Variants in IFNAR1 observed in about 807,000 individuals in gnomAD.
IFNAR1 encodes the protein interferon alpha and beta receptor subunit 1, also known as interferon alpha/beta receptor 1.
IFNAR1 carries 47 observed loss-of-function variants against 62.1 expected under a neutral mutation model. That is an observed-to-expected ratio of 0.76 (90% CI 0.60 to 0.97). The LOEUF (loss-of-function observed/expected upper bound fraction) is 0.97, where lower values mean the gene tolerates loss of function less well. Among genes scored for constraint, IFNAR1 ranks in the 50% least tolerant of loss-of-function variants. The pLI is 0.00. For missense variants in IFNAR1, 638 were observed against 654.5 expected (o/e 0.97, Z 0.27); for synonymous variants, 219 against 226.9 (o/e 0.97, Z 0.31).
chr21:33,345,402 T>C, intron 6 of IFNAR1, 42 bp downstream of exon 6: 1 of 1,077,372 alleles, frequency 9.3e-7, no homozygotes, highest in Middle Eastern at 2.0e-4. Flanking sequence ...CAGTTTGTTT[T>C]GATTATGCTT....
chr21:33,334,876 G>T, intron 1 of IFNAR1: 1 of 1,306,362 alleles, frequency 7.7e-7, no homozygotes, highest in Non-Finnish European at 1.1e-6. Flanking sequence ...ACACAGAGGG[G>T]AAAGCTGCTG....
At chr21:33,344,765 C>CTTATTTACTTATTTAT (rs1555875099) in intron 5 of IFNAR1, among the ~76,000 whole-genome samples, 22 of 122,020 alleles carry the variant, frequency 1.8e-4, no homozygotes, top group Non-Finnish European at 3.4e-4. Flanking sequence ...TTCTTTTTTA[C>CTTATTTACTTATTTAT]TTATTTATTT....
At chr21:33,329,287 A>C (rs1467045988) in intron 1 of IFNAR1, among the ~76,000 whole-genome samples, 2 of 152,210 alleles carry the variant, frequency 1.3e-5, no homozygotes, top group Admixed American at 6.5e-5. Context: ...CTGTAAACCC[A>C]GTTGCTACCC....
At chr21:33,331,429 G>A (rs1014209333) in intron 1 of IFNAR1, among the ~76,000 whole-genome samples, 11 of 152,186 alleles carry the variant, frequency 7.2e-5, no homozygotes, top group Non-Finnish European at 1.6e-4. Context: ...CTGAGCTGAT[G>A]TAGTATCCTA....
rs750527880 is a variant in IFNAR1, at chr21:33,343,593, C to T, written c.590C>T (p.Thr197Ile). 3 of 1,571,048 alleles carry T rather than the reference C, an allele frequency of 1.9e-6. No homozygotes were observed. Among genetic ancestry groups the T allele is most frequent in the Non-Finnish European group, 2.6e-6 (3 of 1,141,162 alleles). Reference sequence around the variant, plus strand: ...ATTTATAAACTCTCACCAGAGACTACTTATTGTCTAAAAGTTAAAGCAGCA... The same window carrying T: ...ATTTATAAACTCTCACCAGAGACTATTTATTGTCTAAAAGTTAAAGCAGCA... ...HKIYKLSPET[T>I]YCLKVKAALL... The change falls in exon 5 of 11, where the codon ACT becomes ATT. Residue 197 changes from threonine (T) to isoleucine (I), a missense_variant. Coordinates refer to ENST00000270139, the MANE Select transcript of IFNAR1 (RefSeq NM_000629.3).
intron 1 of IFNAR1, among the ~76,000 whole-genome samples, chr21:33,332,887 A>G (rs1190339851): frequency 6.6e-6 from 1 of 152,232 alleles, no homozygotes; most frequent in Non-Finnish European, 1.5e-5. Flanking sequence ...CGTTCATACT[A>G]TGTAAGTTAC....
intron 2 of IFNAR1, among the ~76,000 whole-genome samples, chr21:33,339,277 T>C (rs912898924): frequency 6.6e-6 from 1 of 152,204 alleles, no homozygotes; most frequent in Admixed American, 6.5e-5. Flanking sequence ...TTTTCAAGAA[T>C]GTTTAAGGTA....
chr21:33,335,015 C>T, intron 1 of IFNAR1: 1 of 1,483,956 alleles, frequency 6.7e-7, no homozygotes, highest in Non-Finnish European at 9.4e-7. Flanking sequence ...CTTCCTGGCA[C>T]TGGTCAATTA....
chr21:33,336,907 T>C (rs2094818941), intron 2 of IFNAR1, among the ~76,000 whole-genome samples: 1 of 151,756 alleles, frequency 6.6e-6, no homozygotes, highest in African/African-American at 2.4e-5. Context: ...CATGCCACCA[T>C]GTTTGACTAA....
At chr21:33,341,227 AG>A in intron 3 of IFNAR1, 53 bp downstream of exon 3, 1 of 1,386,246 alleles carries the variant, frequency 7.2e-7, no homozygotes, top group East Asian at 2.3e-5. Flanking sequence ...TTACCAGAGC[AG>A]TTCACTTTCC....
upstream of IFNAR1, chr21:33,324,784 C>A: frequency 2.0e-6 from 1 of 498,342 alleles, no homozygotes; most frequent in Non-Finnish European, 3.6e-6. Flanking sequence ...CTAAGGCGCG[C>A]GCGCACAGGG....
At chr21:33,338,542 A>C (rs1354291197) in intron 2 of IFNAR1, among the ~76,000 whole-genome samples, 1 of 149,984 alleles carries the variant, frequency 6.7e-6, no homozygotes, top group Non-Finnish European at 1.5e-5. Flanking sequence ...AAAAAAAAAA[A>C]AAAACCCAAC....
At chr21:33,353,019 TAGAA>T in intron 9 of IFNAR1, 111 bp downstream of exon 9, 5 of 670,022 alleles carry the variant, frequency 7.5e-6, no homozygotes, top group Admixed American at 3.4e-5. Flanking sequence ...AAAAAATATA[TAGAA>T]AGAATGTTTT....
chr21:33,327,063 T>C (rs540084167), intron 1 of IFNAR1, among the ~76,000 whole-genome samples: 25 of 152,286 alleles, frequency 1.6e-4, no homozygotes, highest in African/African-American at 5.3e-4. Context: ...ACCTGTGTGG[T>C]ACATGATATC....
At chr21:33,342,270 G>T (rs560367476) in intron 3 of IFNAR1, among the ~76,000 whole-genome samples, 36 of 152,162 alleles carry the variant, frequency 2.4e-4, no homozygotes, top group African/African-American at 6.7e-4. Flanking sequence ...AATTAGCCAG[G>T]CATGGTGGTG....
rs1173566402 is a variant in IFNAR1, at chr21:33,325,035, G to A, written c.-21G>A. 5 of 1,579,514 alleles carry A rather than the reference G, an allele frequency of 3.2e-6. No homozygotes were observed. The highest frequency in any genetic ancestry group is 4.3e-6 in the Non-Finnish European group (5 of 1,163,230). On this transcript the variant is annotated 5_prime_UTR_variant, in exon 1 of 11. Coordinates refer to ENST00000270139, the MANE Select transcript of IFNAR1 (RefSeq NM_000629.3). ...GCGCGTGCGCGAACATGTAACTGGT[G>A]GGATCTGCGGCGGCTCCCAGATGAT...
intron 2 of IFNAR1, among the ~76,000 whole-genome samples, chr21:33,338,391 C>T (rs1301067289): frequency 1.0e-5 from 1 of 100,274 alleles, no homozygotes; most frequent in Non-Finnish European, 1.9e-5. Flanking sequence ...AAACTTCAGC[C>T]GGATGTGGTG....
chr21:33,324,884 G>GTGT, upstream of IFNAR1: 1 of 392,114 alleles, frequency 2.6e-6, no homozygotes, highest in South Asian at 3.7e-5. Context: ...GCGCGTGCGC[G>GTGT]GAGGGGCGGT....
rs2083346272 is a variant in IFNAR1, at chr21:33,346,342, TGAG to T, written c.788+984_788+986del. 3.3e-5 allele frequency among the ~76,000 whole-genome samples: 5 copies of T among 151,486 alleles called. No individual in the cohort carries two copies. In the South Asian group the frequency reaches 1.0e-3, roughly 32 times the overall value. On this transcript the variant is annotated intron_variant, in intron 6 of 10. Coordinates refer to ENST00000270139, the MANE Select transcript of IFNAR1 (RefSeq NM_000629.3). ...AGAAACTGGAAAGAAACAGAAAAAA[TGAG>T]GGAGAAGGGAAGTGTAAGTACCGCT...
Sources: allele counts gnomAD v4.1 joint callset (sites outside exome capture counted in the v4.1 genomes callset), GRCh38; gene constraint gnomAD v4.1.1; transcripts MANE v1.5; gene names NCBI Gene and HGNC (gene_info 2026-07-23, HGNC 2026-07-21).